The following EPB41 variants were observed in gnomAD, a reference collection of about 807,000 sequenced individuals.
The protein encoded by EPB41 is erythrocyte membrane protein band 4.1.
EPB41 carries 65 observed loss-of-function variants against 108.0 expected under a neutral mutation model. The ratio of observed to expected loss-of-function variants is 0.60; its 90% CI spans 0.49 to 0.74. EPB41 has a LOEUF of 0.74. EPB41 is among the 30% of genes least tolerant of loss of function. The pLI is 0.00. For missense variants in EPB41, 875 were observed against 1,037.0 expected, an observed-to-expected ratio of 0.84 and a Z score of 2.15; for synonymous variants, 336 against 358.9, an observed-to-expected ratio of 0.94 and a Z score of 0.72.
At chr1:28,906,234 G>A (rs2091818465) in intron 1 of EPB41, among the ~76,000 whole-genome samples, 1 of 152,118 alleles carries the variant, frequency 6.6e-6, no homozygotes, top group Non-Finnish European at 1.5e-5. Context: ...TAGCAGCTTT[G>A]GAGGGTCTTG....
At chr1:29,101,324 C>T (rs780028605) in intron 17 of EPB41, among the ~76,000 whole-genome samples, 2 of 152,164 alleles carry the variant, frequency 1.3e-5, no homozygotes, top group African/African-American at 4.8e-5. Context: ...GCTAATCTCT[C>T]TAAGCTTGTA....
chr1:28,955,138 T>C (rs2094892439), intron 1 of EPB41, among the ~76,000 whole-genome samples: 1 of 152,214 alleles, frequency 6.6e-6, no homozygotes, highest in African/African-American at 2.4e-5. Context: ...TGACTATTAT[T>C]GTTACTAGCG....
At chr1:29,052,014 A>T (rs911136050) in intron 11 of EPB41, among the ~76,000 whole-genome samples, 1 of 152,232 alleles carries the variant, frequency 6.6e-6, no homozygotes, top group Non-Finnish European at 1.5e-5. Flanking sequence ...AAGTTTTATT[A>T]CAAAGTGTAA....
intron 16 of EPB41, among the ~76,000 whole-genome samples, chr1:29,089,581 A>G (rs994152232): frequency 2.0e-5 from 3 of 152,230 alleles, no homozygotes; most frequent in African/African-American, 7.2e-5. Flanking sequence ...AGGAAAATCT[A>G]GAAGAAATGA....
intron 17 of EPB41, among the ~76,000 whole-genome samples, chr1:29,100,649 T>TTA (rs956642855): frequency 1.4e-5 from 2 of 145,638 alleles, no homozygotes; most frequent in South Asian, 2.1e-4. Context: ...AAATAAAATA[T>TTA]TATATATATA....
At chr1:29,072,183 TTATAATATA>T (rs1292730015) in intron 16 of EPB41, 1 of 152,096 alleles carries the variant, frequency 6.6e-6, no homozygotes, top group African/African-American at 2.4e-5. Flanking sequence ...CTATGTCTAT[TTATAATATA>T]TATTTTGTAA....
intron 1 of EPB41, chr1:28,982,689 G>A (rs933851355): frequency 2.2e-5 from 15 of 669,050 alleles, no homozygotes; most frequent in Admixed American, 8.9e-5. Flanking sequence ...GTTGTTTGTC[G>A]TGGTATTTCA....
intron 1 of EPB41, among the ~76,000 whole-genome samples, chr1:28,903,032 C>T (rs1293876366): frequency 6.6e-6 from 1 of 152,166 alleles, no homozygotes; most frequent in Non-Finnish European, 1.5e-5. Flanking sequence ...ACCTCTCTGA[C>T]GTCAGTTCCC....
chr1:28,958,158 G>T (rs1471912835), intron 1 of EPB41, among the ~76,000 whole-genome samples: 2 of 152,098 alleles, frequency 1.3e-5, no homozygotes, highest in Admixed American at 6.5e-5. Flanking sequence ...TACCTGGTTA[G>T]TAGGATTACA....
intron 16 of EPB41, among the ~76,000 whole-genome samples, chr1:29,080,886 G>A (rs930746020): frequency 6.6e-6 from 1 of 152,150 alleles, no homozygotes; most frequent in Admixed American, 6.6e-5. Context: ...CTCTGTTAAT[G>A]TGTAAACTTA....
intron 1 of EPB41, among the ~76,000 whole-genome samples, chr1:28,954,055 G>A (rs1484417792): frequency 1.3e-5 from 2 of 152,174 alleles, no homozygotes; most frequent in Non-Finnish European, 2.9e-5. Flanking sequence ...GCCAGTCAGA[G>A]GCCTCTGCAT....
chr1:29,105,576 C>T (rs1459459965), intron 17 of EPB41, among the ~76,000 whole-genome samples: 2 of 152,064 alleles, frequency 1.3e-5, no homozygotes, highest in African/African-American at 4.8e-5. Context: ...TTTTTAGATT[C>T]ATCCATGTTA....
At chr1:29,067,175 C>T (rs991857039) in intron 16 of EPB41, among the ~76,000 whole-genome samples, 9 of 147,382 alleles carry the variant, frequency 6.1e-5, no homozygotes, top group Non-Finnish European at 1.2e-4. Context: ...GCCAACATGG[C>T]GAAACCCCAT....
At chr1:28,965,560 C>T (rs920468108) in intron 1 of EPB41, among the ~76,000 whole-genome samples, 11 of 152,204 alleles carry the variant, frequency 7.2e-5, no homozygotes, top group Non-Finnish European at 1.2e-4. Context: ...ATCTTTTCAA[C>T]ACCATTGAAA....
Position 29,067,355 on chromosome 1 carries a change from G to A in EPB41, c.2184+2197G>A, listed in dbSNP as rs1182783817. Among the ~76,000 whole-genome samples the A allele has an allele frequency of 3.3e-5, 5 of 152,018 alleles. No individual in the cohort carries two copies. In the East Asian group the frequency reaches 9.7e-4, roughly 29 times the overall value. On this transcript the variant is annotated intron_variant, in intron 16 of 20. Coordinates refer to ENST00000343067, the MANE Select transcript of EPB41 (RefSeq NM_001376013.1). The stretch of plus-strand genomic sequence containing the variant: ...TACTAAAAAACAAAAAATTAGCCAG[G>A]TGTGGTGGCAGGCACCTGTAGTCCC...
At chr1:29,099,712 A>G (rs559559284) in intron 17 of EPB41, among the ~76,000 whole-genome samples, 8 of 152,370 alleles carry the variant, frequency 5.3e-5, no homozygotes. Flanking sequence ...CACAGAAGCC[A>G]AAAGTAAGAA....
chr1:28,977,958 T>TG (rs1327597344), intron 1 of EPB41, among the ~76,000 whole-genome samples: 16 of 149,256 alleles, frequency 1.1e-4, no homozygotes, highest in African/African-American at 3.5e-4. Flanking sequence ...TATATTCTCT[T>TG]TTTTTTTTTA....
intron 1 of EPB41, among the ~76,000 whole-genome samples, chr1:28,905,079 A>G (rs1337156776): frequency 6.7e-6 from 1 of 149,482 alleles, no homozygotes; most frequent in Admixed American, 6.7e-5. Flanking sequence ...GGAGCCTGTA[A>G]TCCTAGCTAC....
chr1:29,105,815 C>T (rs1055561341), intron 17 of EPB41, among the ~76,000 whole-genome samples: 6 of 129,392 alleles, frequency 4.6e-5, no homozygotes, highest in African/African-American at 8.7e-5. Flanking sequence ...GTGGCATGAT[C>T]TCAGCCCACT....
Sources: allele counts gnomAD v4.1 joint callset (sites outside exome capture counted in the v4.1 genomes callset), GRCh38; gene constraint gnomAD v4.1.1; transcripts MANE v1.5; gene names NCBI Gene and HGNC (gene_info 2026-07-23, HGNC 2026-07-21).